The following EPB41L1 variants were observed in gnomAD, a reference collection of about 807,000 sequenced individuals.
The protein encoded by EPB41L1 is band 4.1-like protein 1.
A neutral mutation model predicts 97.8 loss-of-function variants in EPB41L1; 29 were observed. The observed-to-expected ratio is 0.30, with a 90% CI of 0.22 to 0.40. The LOEUF (loss-of-function observed/expected upper bound fraction) is 0.40. Ranked by LOEUF, EPB41L1 falls within the 10% of genes least tolerant of loss-of-function variation. The probability of loss-of-function intolerance (pLI) is 1.00; values close to 1 mark genes in which losing one functional copy is unlikely to be tolerated. For missense variants in EPB41L1, 812 were observed against 1,162.3 expected (o/e 0.70, Z 4.38); for synonymous variants, 383 against 459.2 (o/e 0.83, Z 2.12).
In EPB41L1 at chr20:36,208,409, G is replaced by A. The variant is rs753665776; in HGVS notation, c.1669-1079G>A. On this transcript the variant is annotated intron_variant, in intron 14 of 21. Transcript: ENST00000338074. Reference sequence around the variant, plus strand: ...ATTTGCCAGCCCCTCGGGCCCTCAGGTCTCTGCAGCCCCTCTGTGCCCTGA... The same window carrying A: ...ATTTGCCAGCCCCTCGGGCCCTCAGATCTCTGCAGCCCCTCTGTGCCCTGA... 1.1e-5 allele frequency: 5 copies of A among 437,096 alleles called. No individual in the cohort carries two copies. In the Admixed American group the frequency reaches 1.3e-4, roughly 11 times the overall value. 27.1% of individuals were successfully genotyped at this position (437,096 alleles called of 1,614,324 possible). A position where few individuals can be genotyped will look rare whatever the true frequency, so the allele number is the denominator to read the frequency against.
At chr20:36,166,899 A>G (rs751726490) in intron 1 of EPB41L1, among the ~76,000 whole-genome samples, 25 of 152,158 alleles carry the variant, frequency 1.6e-4, no homozygotes, top group Non-Finnish European at 3.4e-4. Context: ...CACCCAACCC[A>G]GCATGCTTGC....
At chr20:36,199,864 T>C (rs1462119799) in intron 14 of EPB41L1, among the ~76,000 whole-genome samples, 1 of 152,080 alleles carries the variant, frequency 6.6e-6, no homozygotes, top group Non-Finnish European at 1.5e-5. Context: ...CCCTGGGAAG[T>C]GAGGTCTAGA....
rs2062868518 is a variant in EPB41L1, at chr20:36,207,187, C to G, written c.1669-2301C>G. On this transcript the variant is annotated intron_variant, in intron 14 of 21. Transcript: ENST00000338074. The surrounding 1 kb of genome is among the most constrained non-coding windows in gnomAD (Gnocchi z 4.9). ...AGGGGAGCCTTCGGAGCTCAGGGAGCCCTTTCTTAGACATGTCCATCTTTC... is the reference window on the plus strand; with the variant it reads ...AGGGGAGCCTTCGGAGCTCAGGGAGGCCTTTCTTAGACATGTCCATCTTTC... 17 of 1,287,836 alleles carry G rather than the reference C, an allele frequency of 1.3e-5. No homozygotes were observed. Among genetic ancestry groups the G allele is most frequent in the Non-Finnish European group, 1.6e-5 (16 of 987,598 alleles). The allele number at this position is 1,287,836 out of a possible 1,614,324, so 79.8% of individuals were successfully genotyped here.
In EPB41L1 at chr20:36,121,048, A is replaced by G. The variant is rs117098045; in HGVS notation, c.-10+8568A>G. Among the ~76,000 whole-genome samples, 60 of 148,124 alleles carry G rather than the reference A, an allele frequency of 4.1e-4. No individual in the cohort carries two copies. The East Asian group carries it at 0.012, about 29-fold the overall frequency. ...CCTTCAAACCTTGTTACAATGTACA[A>G]TGTGAACGCATTACCTGTCTGACAT... On this transcript the variant is annotated intron_variant, in intron 2 of 19. Transcript: ENST00000202028.
chr20:36,107,487 G>C (rs977952301), intron 1 of EPB41L1, among the ~76,000 whole-genome samples: 1 of 150,514 alleles, frequency 6.6e-6, no homozygotes, highest in African/African-American at 2.4e-5. Flanking sequence ...CCAAAGTGCT[G>C]GGATTACAGG....
chr20:36,216,490 G>A (rs1242300719), intron 17 of EPB41L1, among the ~76,000 whole-genome samples: 1 of 152,200 alleles, frequency 6.6e-6, no homozygotes, highest in East Asian at 1.9e-4. Context: ...AGACAATGGG[G>A]AATCACTTAA....
rs538723253 is a variant in EPB41L1, at chr20:36,130,130, C to T, written c.-10+17650C>T. On this transcript the variant is annotated intron_variant, in intron 2 of 19. Coordinates refer to the EPB41L1 transcript ENST00000202028. Reference sequence around the variant, plus strand: ...TTAATTTTTCTATTTTTAGTAGAGACGGTATTTCTCCATATTGGCCAGGCT... The same window carrying T: ...TTAATTTTTCTATTTTTAGTAGAGATGGTATTTCTCCATATTGGCCAGGCT... 1.8e-3 allele frequency among the ~76,000 whole-genome samples: 271 copies of T among 151,976 alleles called. 1 individual carries two copies. Among genetic ancestry groups the T allele is most frequent in the African/African-American group, 6.4e-3 (267 of 41,492 alleles).
At chr20:36,129,964 C>T (rs1182732224) in intron 2 of EPB41L1, among the ~76,000 whole-genome samples, 10 of 139,374 alleles carry the variant, frequency 7.2e-5, no homozygotes, top group African/African-American at 2.1e-4. Flanking sequence ...TTTTTTGAGA[C>T]GGAGTCTTGC....
At chr20:36,140,854 T>G (rs1807116084) in intron 2 of EPB41L1, among the ~76,000 whole-genome samples, 1 of 151,978 alleles carries the variant, frequency 6.6e-6, no homozygotes, top group African/African-American at 2.4e-5. Context: ...CCTCCCCTAA[T>G]GAGACAGGCC....
rs1462522472 is a variant in EPB41L1, at chr20:36,190,773, A to C, written c.1276A>C (p.Thr426Pro). 2 of 1,613,958 alleles carry C rather than the reference A, an allele frequency of 1.2e-6. No homozygotes were observed. Among genetic ancestry groups the C allele is most frequent in the Non-Finnish European group, 1.7e-6 (2 of 1,180,036 alleles). The change falls in exon 11 of 22, where the codon ACC becomes CCC. Residue 426 changes from threonine (T) to proline (P), a missense_variant. Thr to Pro is a conservative substitution (Grantham distance 38, BLOSUM62 -1). Coordinates refer to ENST00000338074, the MANE Select transcript of EPB41L1 (RefSeq NM_012156.2). The surrounding 1 kb of genome is among the most constrained non-coding windows in gnomAD (Gnocchi z 5.8). ...TGAGCGTTCTTCCAGCAAACGGTAC[A>C]CCATGTCCCGCAGCCTTGATGGAGG... ...FFERSSSKRY[T>P]MSRSLDGAEF...
At position 36,092,589 on chromosome 20, in the gene EPB41L1, GC is replaced by G. The variant is rs1280282207; in HGVS notation, c.-65+979del. 1 of 151,978 alleles carries G rather than the reference GC, an allele frequency of 6.6e-6. No individual in the cohort carries two copies. The highest frequency in any genetic ancestry group is 1.9e-4 in the East Asian group (1 of 5,134). 9.4% of individuals were successfully genotyped at this position (151,978 alleles called of 1,614,324 possible). The stretch of plus-strand genomic sequence containing the variant: ...TGCTTGGGGGGCCGGGATCGCCGCC[GC>G]CTCCTCCGGGGGAGCCGGCCGGGGC... On this transcript the variant is annotated intron_variant, in intron 1 of 19. Coordinates refer to the EPB41L1 transcript ENST00000202028. This position sits in a 1 kb window ranked among gnomAD's most constrained non-coding sequence, Gnocchi z 7.0.
chr20:36,131,222 G>T (rs558304233), intron 2 of EPB41L1, among the ~76,000 whole-genome samples: 3 of 152,008 alleles, frequency 2.0e-5, no homozygotes, highest in African/African-American at 7.2e-5. Flanking sequence ...TGATCCGCCC[G>T]CCTCGGCCTC....
In EPB41L1 at chr20:36,095,424, C is replaced by T. The variant is rs534386238; in HGVS notation, c.-65+3812C>T. On this transcript the variant is annotated intron_variant, in intron 1 of 19. Transcript: ENST00000202028. ...CGCCCAGCCTGGGATCTTCTTTTGA[C>T]TTTAGCCAACCCCTTCATGTGTTTA... 5.9e-5 allele frequency among the ~76,000 whole-genome samples: 9 copies of T among 152,332 alleles called. No homozygotes were observed. In the East Asian group the frequency reaches 1.5e-3, roughly 26 times the overall value.
chr20:36,232,378 C>T lies in EPB41L1; in HGVS notation c.*3038C>T, dbSNP rs1419988333. On this transcript the variant is annotated 3_prime_UTR_variant, in exon 22 of 22. Coordinates refer to ENST00000338074, the MANE Select transcript of EPB41L1 (RefSeq NM_012156.2). The stretch of plus-strand genomic sequence containing the variant: ...TCACCATGTGACATCAGGCTATCCC[C>T]ATTCCCCCTCTTGGGCCTCAGTTTC... 2.7e-6 allele frequency: 1 copy of T among 369,470 alleles called. No homozygotes were observed. Among genetic ancestry groups the T allele is most frequent in the Non-Finnish European group, 4.8e-6 (1 of 208,284 alleles). 22.9% of individuals were successfully genotyped at this position (369,470 alleles called of 1,614,324 possible). A position where few individuals can be genotyped will look rare whatever the true frequency, so the allele number is the denominator to read the frequency against.
intron 2 of EPB41L1, among the ~76,000 whole-genome samples, chr20:36,116,171 A>AGAG (rs1426876199): frequency 6.6e-6 from 1 of 152,228 alleles, no homozygotes; most frequent in Non-Finnish European, 1.5e-5. Flanking sequence ...ACTGGAGTTT[A>AGAG]GAGGAGAGAG....
chr20:36,123,512 C>T (rs985874579), intron 2 of EPB41L1, among the ~76,000 whole-genome samples: 3 of 152,160 alleles, frequency 2.0e-5, no homozygotes, highest in African/African-American at 7.2e-5. Flanking sequence ...GCAATCTTGG[C>T]TCGCTGCAAC....
chr20:36,171,512 A>G (rs1162595336), intron 1 of EPB41L1, among the ~76,000 whole-genome samples: 1 of 152,198 alleles, frequency 6.6e-6, no homozygotes, highest in Admixed American at 6.5e-5. Context: ...TAGCAGCATC[A>G]GTAACAACAA....
intron 15 of EPB41L1, among the ~76,000 whole-genome samples, chr20:36,210,621 T>C (rs929421156): frequency 2.6e-5 from 4 of 152,166 alleles, no homozygotes; most frequent in Non-Finnish European, 5.9e-5. Context: ...CAGGTTTTTT[T>C]TTCTCCCTTT....
chr20:36,135,504 C>T (rs560991878), intron 2 of EPB41L1, among the ~76,000 whole-genome samples: 10 of 152,296 alleles, frequency 6.6e-5, no homozygotes, highest in South Asian at 6.2e-4. Context: ...TCTGGATTTC[C>T]GTTTCTCTCT....
Sources: gnomAD v4.1 joint callset for allele counts (sites outside exome capture counted in the v4.1 genomes callset) on GRCh38, gnomAD v4.1.1 for gene constraint, Gnocchi (gnomAD v3.1) non-coding constraint, MANE v1.5 for transcripts, NCBI Gene and HGNC (gene_info 2026-07-23, HGNC 2026-07-21) for gene names.